NTRK3: variants seen among roughly 807,000 people sequenced by gnomAD.
NTRK3 encodes the protein neurotrophic receptor tyrosine kinase 3.
In NTRK3, 24 loss-of-function variants were observed where a neutral mutation model predicts 91.7. The observed-to-expected ratio is 0.26, with a 90% confidence interval of 0.19 to 0.37. NTRK3 has a LOEUF of 0.37. NTRK3 is among the 10% of genes least tolerant of loss of function. The pLI, the probability that NTRK3 is intolerant of heterozygous loss-of-function variation, is 1.00. For missense variants in NTRK3, 880 were observed against 1,068.9 expected (o/e 0.82, Z 2.46); for synonymous variants, 483 against 404.0 (o/e 1.20, Z -2.34).
At chr15:87,882,632 G>C (rs1033071062) in intron 17 of NTRK3, among the ~76,000 whole-genome samples, 3 of 152,070 alleles carry the variant, frequency 2.0e-5, no homozygotes, top group East Asian at 1.9e-4. Flanking sequence ...TAGAAGAGTA[G>C]ATATAGAAAT....
In NTRK3 at chr15:88,181,097, G is replaced by A. The variant is rs150193737; in HGVS notation, c.395+2321C>T. 4.2e-3 allele frequency among the ~76,000 whole-genome samples: 644 copies of A among 152,112 alleles called. 4 individuals carry two copies. Among genetic ancestry groups the A allele is most frequent in the Middle Eastern group, 0.024 (7 of 294 alleles). On this transcript the variant is annotated intron_variant, in intron 5 of 18. Coordinates refer to ENST00000394480, the Ensembl canonical transcript of NTRK3. ...CTGACTTGCCCCTAATGCACAGACAGACTCAAATTGGGGGTAAACTAATGG... is the reference window on the plus strand; with the variant it reads ...CTGACTTGCCCCTAATGCACAGACAAACTCAAATTGGGGGTAAACTAATGG...
intron 17 of NTRK3, among the ~76,000 whole-genome samples, chr15:87,892,767 T>C (rs906066414): frequency 6.6e-6 from 1 of 152,140 alleles, no homozygotes; most frequent in African/African-American, 2.4e-5. Flanking sequence ...TAAATTATGA[T>C]AGAGTGGCCA....
chr15:88,111,520 C>T (rs925902589), intron 13 of NTRK3, among the ~76,000 whole-genome samples: 1 of 152,290 alleles, frequency 6.6e-6, no homozygotes, highest in South Asian at 2.1e-4. Flanking sequence ...TGTGGGAAGG[C>T]AGGAGGCTCT....
intron 13 of NTRK3, among the ~76,000 whole-genome samples, chr15:88,105,513 G>C (rs1226925444): frequency 1.3e-5 from 2 of 152,194 alleles, no homozygotes; most frequent in Non-Finnish European, 2.9e-5. Flanking sequence ...GGCAGGAGAA[G>C]AACTGCATCT....
intron 5 of NTRK3, among the ~76,000 whole-genome samples, chr15:88,175,798 T>G (rs1229086688): frequency 2.0e-5 from 3 of 152,226 alleles, no homozygotes; most frequent in Non-Finnish European, 2.9e-5. Flanking sequence ...CATAGATATG[T>G]TAAGTAACTT....
intron 13 of NTRK3, among the ~76,000 whole-genome samples, chr15:88,048,821 G>A (rs913162968): frequency 6.6e-6 from 1 of 152,202 alleles, no homozygotes; most frequent in African/African-American, 2.4e-5. Context: ...TGGAAGGCAA[G>A]AGCAACAGAT....
intron 17 of NTRK3, among the ~76,000 whole-genome samples, chr15:87,887,486 C>G (rs1039821051): frequency 3.8e-4 from 58 of 152,180 alleles, no homozygotes; most frequent in Non-Finnish European, 5.4e-4. Flanking sequence ...ACCCATTGAG[C>G]ATCGTTAAGT....
At chr15:88,189,659 G>A (rs2047229991) in intron 3 of NTRK3, among the ~76,000 whole-genome samples, 1 of 152,076 alleles carries the variant, frequency 6.6e-6, no homozygotes, top group African/African-American at 2.4e-5. Context: ...GGCCAGGCTG[G>A]TCTCAAACTC....
rs1252287501 is a variant in NTRK3, at chr15:87,945,532, C to T, written c.1586-4779G>A. Among the ~76,000 whole-genome samples the T allele has an allele frequency of 2.0e-5, 3 of 152,174 alleles. No homozygotes were observed. The South Asian group carries it at 6.2e-4, about 32-fold the overall frequency. ...ACCTCTGGACAGAAAATCTCAGAGC[C>T]CTGAGAGGTCAGTGGGCAGGCAGGG... On this transcript the variant is annotated intron_variant, in intron 14 of 18. Transcript: ENST00000394480.
exon 13 of NTRK3, chr15:88,126,316 C>T (rs56394626): frequency 1.3e-4 from 206 of 1,613,864 alleles, no homozygotes; most frequent in Non-Finnish European, 1.5e-4. Flanking sequence ...TTGATCATGA[C>T]GAAGAGAACC....
At chr15:88,252,220 A>G (rs988669235) in intron 3 of NTRK3, among the ~76,000 whole-genome samples, 4 of 151,954 alleles carry the variant, frequency 2.6e-5, no homozygotes, top group African/African-American at 9.7e-5. Context: ...GCCTACCGAG[A>G]GTGAGCCCCA....
rs34299110 is a variant in NTRK3 at position 88,147,505 on chromosome 15, CCTTCTT to C, written c.396-108_396-103del. The C allele has an allele frequency of 0.037, 23,358 of 639,384 alleles. 156 individuals are homozygous for C. Among genetic ancestry groups the C allele is most frequent in the African/African-American group, 0.066 (3,542 of 53,868 alleles). The allele number at this position is 639,384 out of a possible 1,614,324, so 39.6% of individuals were successfully genotyped here. A position where few individuals can be genotyped will look rare whatever the true frequency, so the allele number is the denominator to read the frequency against. ...TTTCACTGGAGCCTGGCTTTGTTTT[CCTTCTT>C]CTTCTTCTTCTTCTTCTTCTTCTTC... On this transcript the variant is annotated intron_variant, in intron 5 of 18. Coordinates refer to ENST00000394480, the Ensembl canonical transcript of NTRK3.
intron 17 of NTRK3, among the ~76,000 whole-genome samples, chr15:87,884,734 TAAA>T (rs1393207396): frequency 6.6e-6 from 1 of 151,694 alleles, no homozygotes; most frequent in Non-Finnish European, 1.5e-5. Context: ...AATTAAAAGA[TAAA>T]AGAAGAAAAA....
intron 3 of NTRK3, among the ~76,000 whole-genome samples, chr15:88,216,868 A>G (rs1037773726): frequency 6.6e-6 from 1 of 152,188 alleles, no homozygotes; most frequent in Non-Finnish European, 1.5e-5. Flanking sequence ...CTCAGGCCCT[A>G]CTTGTCTTAA....
intron 5 of NTRK3, among the ~76,000 whole-genome samples, chr15:88,169,161 C>T (rs531025390): frequency 3.9e-4 from 60 of 152,294 alleles, no homozygotes; most frequent in Non-Finnish European, 5.9e-4. Flanking sequence ...CACCATACCA[C>T]GCTGCCTCAC....
At chr15:87,979,847 G>A (rs1243671588) in intron 14 of NTRK3, among the ~76,000 whole-genome samples, 2 of 152,090 alleles carry the variant, frequency 1.3e-5, no homozygotes, top group East Asian at 3.9e-4. Context: ...TGCACTGTAG[G>A]GTCACTTAGG....
At chr15:88,031,981 C>T (rs1316714199) in intron 14 of NTRK3, among the ~76,000 whole-genome samples, 1 of 152,162 alleles carries the variant, frequency 6.6e-6, no homozygotes, top group Non-Finnish European at 1.5e-5. Flanking sequence ...GAGGCCTCAA[C>T]CTAGCCGATC....
intron 17 of NTRK3, among the ~76,000 whole-genome samples, chr15:87,898,743 CAGG>C (rs1555432228): frequency 5.4e-5 from 8 of 147,720 alleles, no homozygotes; most frequent in Non-Finnish European, 1.5e-5. Flanking sequence ...CCCAGCACTT[CAGG>C]AGGCCAAGGC....
At chr15:88,058,167 T>C (rs1439703663) in intron 13 of NTRK3, among the ~76,000 whole-genome samples, 1 of 152,142 alleles carries the variant, frequency 6.6e-6, no homozygotes, top group Non-Finnish European at 1.5e-5. Context: ...GGAGCAAGTG[T>C]GTAGGAACTT....
Sources: allele counts gnomAD v4.1 joint callset (sites outside exome capture counted in the v4.1 genomes callset), GRCh38; gene constraint gnomAD v4.1.1; transcripts MANE v1.5; gene names NCBI Gene and HGNC (gene_info 2026-07-23, HGNC 2026-07-21).